MSRA: variants seen among roughly 807,000 people sequenced by gnomAD.
The protein encoded by MSRA is mitochondrial peptide methionine sulfoxide reductase.
In MSRA, 54 loss-of-function variants were observed where a neutral mutation model predicts 31.3. The ratio of observed to expected loss-of-function variants is 1.73; its 90% confidence interval spans 1.39 to 2.17. The LOEUF (loss-of-function observed/expected upper bound fraction) is 2.17. MSRA is among the 30% of genes most tolerant of loss of function. MSRA has a pLI of 0.00. For synonymous variants in MSRA, 169 were observed against 116.5 expected (o/e 1.45, Z -2.90); for missense variants, 507 against 300.9 (o/e 1.69, Z -5.07).
At chr8:10,393,799 G>C (rs577472880) in intron 5 of MSRA, among the ~76,000 whole-genome samples, 3 of 152,346 alleles carry the variant, frequency 2.0e-5, no homozygotes, top group South Asian at 2.1e-4. Flanking sequence ...GCATTGAATT[G>C]AGACAGTTTT....
intron 5 of MSRA, among the ~76,000 whole-genome samples, chr8:10,348,633 G>T (rs1803939736): frequency 6.6e-6 from 1 of 152,122 alleles, no homozygotes; most frequent in Admixed American, 6.5e-5. Flanking sequence ...CTCCCAAAGT[G>T]CTGGGATTAC....
At chr8:10,201,840 C>T (rs1484968412) in intron 1 of MSRA, among the ~76,000 whole-genome samples, 1 of 152,204 alleles carries the variant, frequency 6.6e-6, no homozygotes, top group East Asian at 1.9e-4. Context: ...GTCCTCATAT[C>T]TTCTTGGTGG....
chr8:10,084,683 T>C (rs1174400862), intron 1 of MSRA, among the ~76,000 whole-genome samples: 1 of 152,232 alleles, frequency 6.6e-6, no homozygotes, highest in East Asian at 1.9e-4. Context: ...GTAGGTATTA[T>C]TTTATGAAGA....
chr8:10,335,746 G>C (rs2129146867), intron 5 of MSRA, among the ~76,000 whole-genome samples: 1 of 152,328 alleles, frequency 6.6e-6, no homozygotes, highest in East Asian at 1.9e-4. Flanking sequence ...CTGCGATTTG[G>C]CTGTGGTTGG....
intron 1 of MSRA, among the ~76,000 whole-genome samples, chr8:10,091,826 C>T (rs757844788): frequency 1.8e-4 from 27 of 152,050 alleles, no homozygotes; most frequent in Non-Finnish European, 2.8e-4. Context: ...AGGCTGGTCT[C>T]GAACTCTTGT....
At chr8:10,367,635 G>A (rs1024231876) in intron 5 of MSRA, among the ~76,000 whole-genome samples, 10 of 152,228 alleles carry the variant, frequency 6.6e-5, no homozygotes, top group African/African-American at 2.4e-4. Flanking sequence ...GCACAGAGGT[G>A]TTGACTTTCC....
chr8:10,270,535 C>T (rs1454969117), intron 3 of MSRA, among the ~76,000 whole-genome samples: 1 of 152,062 alleles, frequency 6.6e-6, no homozygotes, highest in Non-Finnish European at 1.5e-5. Flanking sequence ...AGCAGTCATG[C>T]CCAGGATGCT....
intron 3 of MSRA, among the ~76,000 whole-genome samples, chr8:10,284,117 ACTGCTTTT>A (rs1175151122): frequency 1.3e-5 from 2 of 152,004 alleles, no homozygotes; most frequent in Non-Finnish European, 2.9e-5. Flanking sequence ...CATTCCTGCC[ACTGCTTTT>A]CTGCTTTTCT....
At chr8:10,401,167 A>G (rs1047045405) in intron 5 of MSRA, among the ~76,000 whole-genome samples, 2 of 152,208 alleles carry the variant, frequency 1.3e-5, no homozygotes, top group African/African-American at 4.8e-5. Flanking sequence ...ATAAGGGATT[A>G]ATGTCCAGAA....
At chr8:10,080,496 G>GT (rs1798238544) in intron 1 of MSRA, among the ~76,000 whole-genome samples, 1 of 152,012 alleles carries the variant, frequency 6.6e-6, no homozygotes, top group Non-Finnish European at 1.5e-5. Flanking sequence ...TGGACTGTCA[G>GT]TTCTGTGTCA....
chr8:10,095,866 T>C (rs963223692), intron 1 of MSRA: 3 of 1,275,824 alleles, frequency 2.4e-6, no homozygotes, highest in Non-Finnish European at 3.0e-6. Context: ...TGGGAAATAC[T>C]ATATTTGATT....
chr8:10,174,665 C>G (rs1483822783), intron 1 of MSRA, among the ~76,000 whole-genome samples: 1 of 152,080 alleles, frequency 6.6e-6, no homozygotes, highest in Admixed American at 6.5e-5. Context: ...TGTCTGCAGT[C>G]TTGTCCCCAT....
chr8:10,058,400 T>G (rs1425510972), intron 1 of MSRA, among the ~76,000 whole-genome samples: 2 of 152,224 alleles, frequency 1.3e-5, no homozygotes, highest in Non-Finnish European at 2.9e-5. Context: ...ACTGAACTCT[T>G]TTAAAATAAA....
chr8:10,289,140 G>A (rs928909410), intron 3 of MSRA, among the ~76,000 whole-genome samples: 32 of 151,996 alleles, frequency 2.1e-4, no homozygotes, highest in African/African-American at 7.5e-4. Flanking sequence ...CTCAGTCTCT[G>A]GAGTAGCTGG....
intron 1 of MSRA, among the ~76,000 whole-genome samples, chr8:10,112,005 C>G (rs1238883453): frequency 6.6e-6 from 1 of 151,056 alleles, no homozygotes; most frequent in Non-Finnish European, 1.5e-5. Context: ...AGAAGTTTGT[C>G]TTCTTTATTT....
chr8:10,201,600 C>A (rs987306636), intron 1 of MSRA, among the ~76,000 whole-genome samples: 18 of 152,184 alleles, frequency 1.2e-4, no homozygotes, highest in African/African-American at 4.3e-4. Context: ...AGATGTGTTA[C>A]CAAGCAGTTT....
intron 1 of MSRA, among the ~76,000 whole-genome samples, chr8:10,151,723 A>C (rs114927063): frequency 2.0e-3 from 303 of 152,318 alleles, no homozygotes; most frequent in African/African-American, 7.0e-3. Context: ...GTCAAGGCAC[A>C]AGTCTGGCTG....
At chr8:10,387,240 C>T (rs1438220273) in intron 5 of MSRA, among the ~76,000 whole-genome samples, 1 of 152,228 alleles carries the variant, frequency 6.6e-6, no homozygotes, top group Non-Finnish European at 1.5e-5. Flanking sequence ...CACAAAATCT[C>T]TATTTGAACA....
intron 1 of MSRA, among the ~76,000 whole-genome samples, chr8:10,192,861 A>G (rs1013714331): frequency 9.6e-6 from 1 of 103,882 alleles, no homozygotes; most frequent in Admixed American, 8.5e-5. Flanking sequence ...TTATAACAGC[A>G]TGTTCATGGA....
Sources: gnomAD v4.1 joint callset for allele counts (sites outside exome capture counted in the v4.1 genomes callset) on GRCh38, gnomAD v4.1.1 for gene constraint, MANE v1.5 for transcripts, NCBI Gene and HGNC (gene_info 2026-07-23, HGNC 2026-07-21) for gene names.